Variants in KIZ observed in about 807,000 individuals in gnomAD.
KIZ encodes centrosomal protein kizuna.
In KIZ, 68 loss-of-function variants were observed where a neutral mutation model predicts 79.6. The ratio of observed to expected loss-of-function variants is 0.85; its 90% CI spans 0.70 to 1.05. KIZ has a LOEUF of 1.05. Among genes scored for constraint, KIZ ranks in the 50% least tolerant of loss-of-function variants. The pLI, the probability that KIZ is intolerant of heterozygous loss-of-function variation, is 0.00. For synonymous variants in KIZ, 280 were observed against 281.8 expected, an observed-to-expected ratio of 0.99 and a Z score of 0.06; for missense variants, 797 against 800.4, an observed-to-expected ratio of 1.00 and a Z score of 0.05.
chr20:21,150,225 A>G (rs1238417295), intron 4 of KIZ, among the ~76,000 whole-genome samples: 1 of 152,220 alleles, frequency 6.6e-6, no homozygotes, highest in African/African-American at 2.4e-5. Context: ...TGCTTAGAGG[A>G]GGACACTGGG....
At chr20:21,143,234 A>C (rs2032667363) in intron 3 of KIZ, among the ~76,000 whole-genome samples, 1 of 152,180 alleles carries the variant, frequency 6.6e-6, no homozygotes, top group African/African-American at 2.4e-5. Context: ...TAATGTGAGG[A>C]GACAGGGCCA....
chr20:21,165,044 T>C (rs901065356), intron 6 of KIZ, among the ~76,000 whole-genome samples: 1 of 152,212 alleles, frequency 6.6e-6, no homozygotes, highest in African/African-American at 2.4e-5. Context: ...CTCTTCTCCT[T>C]TGCTCTGAGG....
At chr20:21,191,632 A>G (rs764707417) in intron 6 of KIZ, among the ~76,000 whole-genome samples, 9 of 152,242 alleles carry the variant, frequency 5.9e-5, no homozygotes, top group Non-Finnish European at 8.8e-5. Flanking sequence ...AGAAATCGTC[A>G]TGGTTTAAAA....
intron 6 of KIZ, among the ~76,000 whole-genome samples, chr20:21,170,158 T>A (rs2034139400): frequency 6.6e-6 from 1 of 152,184 alleles, no homozygotes. Flanking sequence ...TTTAAATTTT[T>A]GTAGATACAT....
chr20:21,148,160 C>T (rs2032944375), intron 4 of KIZ, among the ~76,000 whole-genome samples: 1 of 151,934 alleles, frequency 6.6e-6, no homozygotes, highest in African/African-American at 2.4e-5. Flanking sequence ...GAATGGAGGA[C>T]CTGTATTGGG....
chr20:21,230,816 C>T (rs1306554310), intron 10 of KIZ, among the ~76,000 whole-genome samples: 4 of 152,184 alleles, frequency 2.6e-5, no homozygotes, highest in Non-Finnish European at 5.9e-5. Flanking sequence ...TAACTGTTTG[C>T]TTTCCATGAC....
chr20:21,214,422 A>T, intron 7 of KIZ, 113 bp from the exon 8 acceptor site: 1 of 699,632 alleles, frequency 1.4e-6, no homozygotes, highest in Non-Finnish European at 2.3e-6. Flanking sequence ...GAAACAGATT[A>T]AATCCTAAGT....
At chr20:21,242,070 G>A (rs1310405302) in intron 11 of KIZ, among the ~76,000 whole-genome samples, 1 of 152,218 alleles carries the variant, frequency 6.6e-6, no homozygotes, top group African/African-American at 2.4e-5. Context: ...TTAAGCACCT[G>A]TTAAGTGCTG....
chr20:21,179,080 TA>T (rs2034546459), intron 6 of KIZ, among the ~76,000 whole-genome samples: 2 of 152,222 alleles, frequency 1.3e-5, no homozygotes, highest in Admixed American at 6.5e-5. Context: ...AATGCGGGCC[TA>T]ATAAAATAAG....
intron 10 of KIZ, among the ~76,000 whole-genome samples, chr20:21,231,118 A>G (rs2036819030): frequency 6.6e-6 from 1 of 152,222 alleles, no homozygotes; most frequent in African/African-American, 2.4e-5. Flanking sequence ...GGATCACCTG[A>G]GGTCAGGAGT....
chr20:21,216,725 G>A (rs1281785402), intron 9 of KIZ, among the ~76,000 whole-genome samples: 4 of 151,990 alleles, frequency 2.6e-5, no homozygotes, highest in Non-Finnish European at 5.9e-5. Flanking sequence ...GAAGTCATTT[G>A]GATACTTTTC....
At chr20:21,169,956 T>G (rs1181025882) in intron 6 of KIZ, among the ~76,000 whole-genome samples, 4 of 152,212 alleles carry the variant, frequency 2.6e-5, no homozygotes, top group Non-Finnish European at 5.9e-5. Flanking sequence ...TACCAGAGTT[T>G]ATCCATTCAC....
At chr20:21,158,938 G>A (rs1242940837) in intron 4 of KIZ, among the ~76,000 whole-genome samples, 2 of 151,776 alleles carry the variant, frequency 1.3e-5, no homozygotes, top group Non-Finnish European at 2.9e-5. Context: ...GACCACAGGT[G>A]TGTGCCACCA....
chr20:21,189,016 ATTT>A, intron 6 of KIZ, among the ~76,000 whole-genome samples: 1 of 150,674 alleles, frequency 6.6e-6, no homozygotes, highest in Admixed American at 6.6e-5. Flanking sequence ...CCTGTTTTGT[ATTT>A]TATTTTAAGA....
chr20:21,140,221 A>G (rs372461336), intron 3 of KIZ, among the ~76,000 whole-genome samples: 14 of 152,304 alleles, frequency 9.2e-5, no homozygotes, highest in East Asian at 5.8e-4. Context: ...CAGGTATCAG[A>G]TGTTTACCTC....
chr20:21,198,268 T>C (rs1314418355), intron 6 of KIZ: 2 of 152,198 alleles, frequency 1.3e-5, no homozygotes, highest in African/African-American at 4.8e-5. Context: ...TTCACTGTGT[T>C]AGCCAGGATG....
chr20:21,169,248 C>T lies in KIZ; in HGVS notation c.1352+6089C>T, dbSNP rs1477814357. 2.0e-5 allele frequency among the ~76,000 whole-genome samples: 3 copies of T among 151,842 alleles called. No homozygotes were observed. In the East Asian group the frequency reaches 5.8e-4, roughly 29 times the overall value. Reference sequence around the variant, plus strand: ...CAACAAATTTACAAGAAAAAAAAACCCCATCAAAAAGTGGGCAAAGGATAT... The same window carrying T: ...CAACAAATTTACAAGAAAAAAAAACTCCATCAAAAAGTGGGCAAAGGATAT... On this transcript the variant is annotated intron_variant, in intron 6 of 12. Coordinates refer to ENST00000619189, the MANE Select transcript of KIZ (RefSeq NM_018474.6).
At chr20:21,144,818 G>A (rs574507372) in intron 3 of KIZ, among the ~76,000 whole-genome samples, 2 of 152,250 alleles carry the variant, frequency 1.3e-5, no homozygotes, top group East Asian at 1.9e-4. Flanking sequence ...TTTAGAAAAT[G>A]TTCTGATACT....
intron 6 of KIZ, chr20:21,197,684 T>G (rs1377759822): frequency 6.6e-6 from 1 of 152,250 alleles, no homozygotes; most frequent in Non-Finnish European, 1.5e-5. Flanking sequence ...CTGCCCCATT[T>G]TATGTCTTTG....
Sources: allele counts gnomAD v4.1 joint callset (sites outside exome capture counted in the v4.1 genomes callset), GRCh38; gene constraint gnomAD v4.1.1; transcripts MANE v1.5; gene names NCBI Gene and HGNC (gene_info 2026-07-23, HGNC 2026-07-21).